KCNIP4: variants seen among roughly 807,000 people sequenced by gnomAD.
KCNIP4 encodes the protein potassium voltage-gated channel interacting protein 4, also known as Kv channel-interacting protein 4.
KCNIP4 carries 12 observed loss-of-function variants against 34.0 expected under a neutral mutation model. The observed-to-expected ratio is 0.35, with a 90% CI of 0.23 to 0.57. KCNIP4 has a LOEUF of 0.57. KCNIP4 is among the 20% of genes least tolerant of loss of function. The probability of loss-of-function intolerance (pLI) is 0.83; values close to 1 mark genes in which losing one functional copy is unlikely to be tolerated. For missense variants in KCNIP4, 238 were observed against 311.7 expected (o/e 0.76, Z 1.78); for synonymous variants, 124 against 102.2 (o/e 1.21, Z -1.29).
intron 1 of KCNIP4, among the ~76,000 whole-genome samples, chr4:21,064,989 C>G (rs185913811): frequency 6.6e-6 from 1 of 152,064 alleles, no homozygotes; most frequent in African/African-American, 2.4e-5. Flanking sequence ...AATACATTGA[C>G]CACCTGTTCA....
chr4:21,904,304 A>G (rs577138656), intron 1 of KCNIP4, among the ~76,000 whole-genome samples: 1 of 152,178 alleles, frequency 6.6e-6, no homozygotes, highest in Admixed American at 6.5e-5. Context: ...TATTAATACC[A>G]TAATTATATG....
intron 1 of KCNIP4, among the ~76,000 whole-genome samples, chr4:21,141,947 C>G (rs976023220): frequency 6.6e-6 from 1 of 150,676 alleles, no homozygotes; most frequent in African/African-American, 2.4e-5. Context: ...GTCAGAAGTT[C>G]GAGACCAGCC....
chr4:21,714,822 T>G (rs1181179105), intron 1 of KCNIP4, among the ~76,000 whole-genome samples: 1 of 190 alleles, frequency 5.3e-3, no homozygotes, highest in Non-Finnish European at 7.6e-3. Flanking sequence ...TTATTTTATT[T>G]TATTTTATTT....
chr4:20,760,433 T>C (rs755455877), intron 3 of KCNIP4, among the ~76,000 whole-genome samples: 9 of 152,214 alleles, frequency 5.9e-5, no homozygotes, highest in Non-Finnish European at 1.2e-4. Context: ...CCCTCACTAA[T>C]AAACTTACTT....
chr4:21,489,283 C>T (rs1384344730), intron 1 of KCNIP4, among the ~76,000 whole-genome samples: 3 of 149,900 alleles, frequency 2.0e-5, no homozygotes, highest in Non-Finnish European at 3.0e-5. Flanking sequence ...AAGAGAGAAT[C>T]CCAGCCACAT....
At chr4:20,828,081 C>G (rs1424408534) in intron 3 of KCNIP4, among the ~76,000 whole-genome samples, 1 of 152,072 alleles carries the variant, frequency 6.6e-6, no homozygotes, top group Non-Finnish European at 1.5e-5. Flanking sequence ...TTTCCTCATG[C>G]CTTCATAATA....
At chr4:21,526,977 G>C (rs894739727) in intron 1 of KCNIP4, among the ~76,000 whole-genome samples, 2 of 152,096 alleles carry the variant, frequency 1.3e-5, no homozygotes, top group East Asian at 3.9e-4. Flanking sequence ...CAGGGAACGG[G>C]TCTACCCCTA....
chr4:21,075,161 G>C (rs574990742), intron 1 of KCNIP4, among the ~76,000 whole-genome samples: 1 of 152,140 alleles, frequency 6.6e-6, no homozygotes, highest in Non-Finnish European at 1.5e-5. Flanking sequence ...GGTCCGCTTG[G>C]TGCAGAGCTG....
chr4:21,913,518 A>G (rs2108985943), intron 1 of KCNIP4, among the ~76,000 whole-genome samples: 1 of 152,176 alleles, frequency 6.6e-6, no homozygotes. Context: ...AGCCTCCAGA[A>G]CTGTGAGAAA....
chr4:21,638,451 C>G (rs1273260101), intron 1 of KCNIP4, among the ~76,000 whole-genome samples: 1 of 152,072 alleles, frequency 6.6e-6, no homozygotes, highest in Non-Finnish European at 1.5e-5. Context: ...ACTGTATAAC[C>G]ATGAAAAAGA....
At chr4:21,212,179 C>T (rs1430571149) in intron 1 of KCNIP4, among the ~76,000 whole-genome samples, 4 of 152,160 alleles carry the variant, frequency 2.6e-5, no homozygotes, top group Admixed American at 1.3e-4. Flanking sequence ...ATGAAAAATG[C>T]AGTCTAAAGG....
chr4:21,751,243 A>G lies in KCNIP4; in HGVS notation c.61+197328T>C, dbSNP rs141331878. On this transcript the variant is annotated intron_variant, in intron 1 of 8. Transcript: ENST00000382152. ...AGACTTGGAAAACATAACAGCAAAT[A>G]CCATATAAAGACTTTGTTTGGATTG... 5.2e-3 allele frequency among the ~76,000 whole-genome samples: 795 copies of G among 152,306 alleles called. 3 individuals are homozygous for G. The highest frequency in any genetic ancestry group is 8.8e-3 in the Non-Finnish European group (596 of 68,026).
At chr4:21,407,859 G>A (rs1724127807) in intron 1 of KCNIP4, among the ~76,000 whole-genome samples, 1 of 152,178 alleles carries the variant, frequency 6.6e-6, no homozygotes, top group Non-Finnish European at 1.5e-5. Context: ...GTTATAGTCA[G>A]TTGTAAGGAA....
At chr4:20,960,621 A>C (rs2149658894) in intron 1 of KCNIP4, among the ~76,000 whole-genome samples, 1 of 152,324 alleles carries the variant, frequency 6.6e-6, no homozygotes, top group East Asian at 1.9e-4. Flanking sequence ...CCTCGTCCTG[A>C]GAAGGACCCC....
intron 1 of KCNIP4, among the ~76,000 whole-genome samples, chr4:21,758,968 T>C (rs79211833): frequency 0.067 from 10,134 of 152,196 alleles, 473 homozygotes; most frequent in Middle Eastern, 0.12. Flanking sequence ...ATCAAGTTTG[T>C]GTGAGAAATT....
intron 1 of KCNIP4, among the ~76,000 whole-genome samples, chr4:21,832,102 A>T (rs187420846): frequency 0.01 from 1,549 of 152,286 alleles, 17 homozygotes; most frequent in Non-Finnish European, 0.019. Flanking sequence ...AAATCAATAA[A>T]TGTGATATAC....
chr4:21,703,224 A>T (rs1051227720), intron 1 of KCNIP4, among the ~76,000 whole-genome samples: 1 of 152,172 alleles, frequency 6.6e-6, no homozygotes, highest in African/African-American at 2.4e-5. Context: ...AATGTTATTC[A>T]ACATAGTGTT....
intron 1 of KCNIP4, among the ~76,000 whole-genome samples, chr4:21,358,325 A>T (rs1486373626): frequency 6.6e-6 from 1 of 151,968 alleles, no homozygotes; most frequent in Non-Finnish European, 1.5e-5. Context: ...TAATAATAAT[A>T]AAAAAAATCC....
intron 1 of KCNIP4, among the ~76,000 whole-genome samples, chr4:21,475,367 C>T (rs358592): frequency 0.69 from 104,859 of 151,918 alleles, 36,575 homozygotes; most frequent in African/African-American, 0.79. Context: ...GAAGTGAAAG[C>T]GGAGCCCAGA....
Sources: allele counts gnomAD v4.1 joint callset (sites outside exome capture counted in the v4.1 genomes callset), GRCh38; gene constraint gnomAD v4.1.1; transcripts MANE v1.5; gene names NCBI Gene and HGNC (gene_info 2026-07-23, HGNC 2026-07-21).